Variants in MAP4 observed in about 807,000 individuals in gnomAD.
MAP4 encodes microtubule associated protein 4.
A neutral mutation model predicts 170.2 loss-of-function variants in MAP4; 76 were observed. The ratio of observed to expected loss-of-function variants is 0.45; its 90% CI spans 0.37 to 0.54. The LOEUF is 0.54. Among genes scored for constraint, MAP4 ranks in the 20% least tolerant of loss-of-function variants. The probability of loss-of-function intolerance (pLI) is 0.00; values close to 1 mark genes in which losing one functional copy is unlikely to be tolerated. For missense variants in MAP4, 2,506 were observed against 2,748.0 expected, an observed-to-expected ratio of 0.91 and a Z score of 1.97; for synonymous variants, 909 against 994.5, an observed-to-expected ratio of 0.91 and a Z score of 1.62.
upstream of MAP4, among the ~76,000 whole-genome samples, chr3:48,021,364 T>TC (rs1469087911): frequency 6.6e-6 from 1 of 151,546 alleles, no homozygotes; most frequent in Non-Finnish European, 1.5e-5. Flanking sequence ...TTTTTTTTTT[T>TC]AGACAGAGTC....
At chr3:48,019,411 T>C (rs1241575691), upstream of MAP4, among the ~76,000 whole-genome samples, 3 of 152,142 alleles carry the variant, frequency 2.0e-5, no homozygotes, top group African/African-American at 7.2e-5. Context: ...CATATAAATA[T>C]TAAAACTTTA....
chr3:47,975,267 C>CA, intron 3 of MAP4: 1 of 1,448,120 alleles, frequency 6.9e-7, no homozygotes. Context: ...CTGCAGAGCA[C>CA]AAGAGGAAGC....
chr3:48,004,625 G>A (rs2100101208), intron 1 of MAP4, among the ~76,000 whole-genome samples: 1 of 152,168 alleles, frequency 6.6e-6, no homozygotes. Context: ...TCATGCGAGT[G>A]GCTGACCTGC....
In MAP4 at chr3:47,911,342, CTT is replaced by C. The variant is rs2100035864; in HGVS notation, c.3077_3078del (p.Gln1026ArgfsTer8). 2.0e-6 allele frequency: 3 copies of C among 1,536,080 alleles called. No homozygotes were observed. Among genetic ancestry groups the C allele is most frequent in the Non-Finnish European group, 2.6e-6 (3 of 1,146,886 alleles). ...TGCTCAGAAGTAAAGATGCTGATCT[CTT>C]GTCTTTCGTTGGGAAAAGCTTCCTT... ...LKKEAFPNERQEISIFTSEQL... is the reference protein window; with the variant it reads ...LKKEAFPNERXEISIFTSEQL... On this transcript the variant is annotated frameshift_variant, in exon 9 of 21. Transcript: ENST00000683076. LOFTEE classifies it high-confidence loss of function. This position sits in a 1 kb window ranked among gnomAD's most constrained non-coding sequence, Gnocchi z 4.0.
intron 3 of MAP4, among the ~76,000 whole-genome samples, chr3:47,955,392 TCTTGATCG>T (rs757531268): frequency 3.1e-4 from 46 of 150,726 alleles, no homozygotes; most frequent in Non-Finnish European, 5.6e-4. Context: ...CCCACAGAGA[TCTTGATCG>T]CGTGACATTC....
At chr3:47,987,068 C>T (rs1277924887) in intron 2 of MAP4, among the ~76,000 whole-genome samples, 3 of 152,182 alleles carry the variant, frequency 2.0e-5, no homozygotes, top group South Asian at 2.1e-4. Context: ...AGTACCCCTG[C>T]GCCCTCAGTT....
At chr3:48,044,950 A>G (rs1289115061) in intron 1 of MAP4, among the ~76,000 whole-genome samples, 1 of 151,008 alleles carries the variant, frequency 6.6e-6, no homozygotes, top group Non-Finnish European at 1.5e-5. Context: ...TCCTATCTCA[A>G]AAAAAAGAAT....
At chr3:47,957,324 T>C (rs774799097) in intron 3 of MAP4, among the ~76,000 whole-genome samples, 5 of 152,140 alleles carry the variant, frequency 3.3e-5, no homozygotes, top group Non-Finnish European at 7.4e-5. Flanking sequence ...TGTGCCACCA[T>C]GCCCGGCTAA....
intron 3 of MAP4, among the ~76,000 whole-genome samples, chr3:47,937,834 G>A (rs1347538817): frequency 6.6e-6 from 1 of 150,426 alleles, no homozygotes; most frequent in African/African-American, 2.4e-5. Flanking sequence ...GCTAATTTTT[G>A]TATTTTTAGT....
chr3:48,076,987 G>T (rs915769028), intron 1 of MAP4, among the ~76,000 whole-genome samples: 18 of 151,504 alleles, frequency 1.2e-4, no homozygotes, highest in African/African-American at 4.4e-4. Flanking sequence ...AATTAAAATT[G>T]TTTTTTTTAA....
Position 48,078,147 on chromosome 3 carries a change from A to ATTTTG in MAP4, c.-20+10621_-20+10625dup, listed in dbSNP as rs536765008. ...ACACCAAAAACCACTGAATTCTATG[A>ATTTTG]TTTTGTTTTGTTTTGTTTTGACAGG... On this transcript the variant is annotated intron_variant, in intron 1 of 18. Coordinates refer to the MAP4 transcript ENST00000360240. Among the ~76,000 whole-genome samples, 6 of 151,938 alleles carry ATTTTG rather than the reference A, an allele frequency of 3.9e-5. No homozygotes were observed. The East Asian group carries it at 1.2e-3, about 29-fold the overall frequency.
chr3:47,902,886 T>G (rs891467546), intron 10 of MAP4, 64 bp downstream of exon 10: 23 of 762,638 alleles, frequency 3.0e-5, no homozygotes, highest in Non-Finnish European at 3.5e-5. Context: ...TACAAGGGCC[T>G]TGAAACTGTT....
At chr3:48,067,557 G>A (rs1482837846) in intron 1 of MAP4, among the ~76,000 whole-genome samples, 3 of 151,958 alleles carry the variant, frequency 2.0e-5, no homozygotes, top group African/African-American at 7.3e-5. Context: ...TATAGAGGCG[G>A]TCTGGGCATT....
chr3:47,978,473 A>G (rs1452058691), intron 2 of MAP4, among the ~76,000 whole-genome samples: 1 of 152,020 alleles, frequency 6.6e-6, no homozygotes, highest in Non-Finnish European at 1.5e-5. Context: ...ACCCGCCCCC[A>G]TGACCAGCTA....
In MAP4 at chr3:47,886,632, C is replaced by T. The variant is rs187787064; in HGVS notation, c.5435-9109G>A. On this transcript the variant is annotated intron_variant, in intron 10 of 20. Transcript: ENST00000683076. ...GGCAATTTCTAGAGACCACCACCCA[C>T]ATATCCCCAGAGTTTCACAAAAGCA... Among the ~76,000 whole-genome samples, 16 of 152,350 alleles carry T rather than the reference C, an allele frequency of 1.1e-4. No individual in the cohort carries two copies. The East Asian group carries it at 2.9e-3, about 28-fold the overall frequency.
intron 10 of MAP4, among the ~76,000 whole-genome samples, chr3:47,895,497 C>T (rs1401693437): frequency 2.6e-5 from 4 of 152,206 alleles, no homozygotes; most frequent in African/African-American, 9.7e-5. Flanking sequence ...GGGAGTGCTG[C>T]CTATTGGCAG....
Position 47,911,659 on chromosome 3 carries a change from G to A in MAP4, c.2762C>T (p.Pro921Leu). 2 of 1,536,036 alleles carry A rather than the reference G, an allele frequency of 1.3e-6. No homozygotes were observed. The highest frequency in any genetic ancestry group is 1.7e-6 in the Non-Finnish European group (2 of 1,146,858). Reference protein sequence around the residue: ...TPVDKSQSVGPLNLKGPLAEV... With the variant: ...TPVDKSQSVGLLNLKGPLAEV... ...TGCTAGGGGTCCTTTCAGATTGAGAGGGCCTACTGACTGGCTTTTATCTAC... is the reference window on the plus strand; with the variant it reads ...TGCTAGGGGTCCTTTCAGATTGAGAAGGCCTACTGACTGGCTTTTATCTAC... The change falls in exon 9 of 21, where the codon CCT (proline) becomes CTT (leucine). Residue 921 changes from proline (P) to leucine (L), a missense_variant. Around this residue, in one of 3 missense-constraint regions of MAP4, gnomAD observed 2,008 missense variants for 2,206.0 expected, o/e 0.91. Coordinates refer to ENST00000683076, the MANE Select transcript of MAP4 (RefSeq NM_001385682.1). This position sits in a 1 kb window ranked among gnomAD's most constrained non-coding sequence, Gnocchi z 4.0.
At chr3:48,026,149 T>C (rs536783577) in intron 1 of MAP4, among the ~76,000 whole-genome samples, 2 of 152,246 alleles carry the variant, frequency 1.3e-5, no homozygotes, top group South Asian at 4.1e-4. Flanking sequence ...AGGCCAAATG[T>C]TTTGGCCAAA....
chr3:47,975,545 A>G (rs188490580), intron 3 of MAP4: 5 of 903,712 alleles, frequency 5.5e-6, no homozygotes, highest in East Asian at 5.3e-5. Context: ...ATTAGTAAAC[A>G]GCAAGTTCAA....
Sources: allele counts gnomAD v4.1 joint callset (sites outside exome capture counted in the v4.1 genomes callset), GRCh38; gene constraint gnomAD v4.1.1; regional missense constraint gnomAD v4.1.1; non-coding constraint Gnocchi (gnomAD v3.1); transcripts MANE v1.5; gene names NCBI Gene and HGNC (gene_info 2026-07-23, HGNC 2026-07-21).